Variants in BRINP3 observed in about 807,000 individuals in gnomAD.
BRINP3 encodes the protein BMP/retinoic acid-inducible neural-specific protein 3.
BRINP3 carries 19 observed loss-of-function variants against 71.0 expected under a neutral mutation model. The ratio of observed to expected loss-of-function variants is 0.27; its 90% CI spans 0.19 to 0.39. The LOEUF is 0.39. Ranked by LOEUF, BRINP3 falls within the 10% of genes least tolerant of loss-of-function variation. BRINP3 has a pLI of 1.00. For synonymous variants in BRINP3, 380 were observed against 337.7 expected (o/e 1.13, Z -1.37); for missense variants, 959 against 940.8 (o/e 1.02, Z -0.25).
chr1:190,289,217 A>T (rs1435780697), intron 2 of BRINP3, among the ~76,000 whole-genome samples: 1 of 151,946 alleles, frequency 6.6e-6, no homozygotes, highest in African/African-American at 2.4e-5. Flanking sequence ...AAAATTTTTC[A>T]TAATAAAGAT....
intron 1 of BRINP3, among the ~76,000 whole-genome samples, chr1:190,468,261 G>T (rs975456582): frequency 6.6e-6 from 1 of 151,088 alleles, no homozygotes; most frequent in African/African-American, 2.4e-5. Context: ...CCTTACTAAA[G>T]ATTATTAAAA....
chr1:190,208,275 A>T (rs1655691145), intron 6 of BRINP3, among the ~76,000 whole-genome samples: 1 of 151,918 alleles, frequency 6.6e-6, no homozygotes, highest in South Asian at 2.1e-4. Flanking sequence ...ACATACTCTT[A>T]TATCATGTGT....
chr1:190,309,946 A>G (rs1003704369), intron 2 of BRINP3, among the ~76,000 whole-genome samples: 1 of 151,750 alleles, frequency 6.6e-6, no homozygotes, highest in African/African-American at 2.4e-5. Context: ...ATGGTTTTGG[A>G]AACTTCAATT....
intron 2 of BRINP3, among the ~76,000 whole-genome samples, chr1:190,420,285 G>GA (rs1281526564): frequency 6.6e-6 from 1 of 151,918 alleles, no homozygotes; most frequent in Non-Finnish European, 1.5e-5. Context: ...ATCCCTGAAT[G>GA]TACACCTTTA....
chr1:190,378,457 G>T (rs1670318620), intron 2 of BRINP3, among the ~76,000 whole-genome samples: 2 of 152,136 alleles, frequency 1.3e-5, no homozygotes, highest in Non-Finnish European at 2.9e-5. Flanking sequence ...GCCCTGGGTT[G>T]TCTTTTGAAG....
chr1:190,418,917 G>A (rs1673180034), intron 2 of BRINP3, among the ~76,000 whole-genome samples: 3 of 152,004 alleles, frequency 2.0e-5, no homozygotes, highest in East Asian at 1.9e-4. Context: ...ATTCCTCTGA[G>A]CTTTTATATT....
intron 1 of BRINP3, among the ~76,000 whole-genome samples, chr1:190,469,448 G>A (rs1038238911): frequency 4.6e-5 from 7 of 150,896 alleles, no homozygotes; most frequent in African/African-American, 1.7e-4. Context: ...TGTTAAGAAA[G>A]CAAGCATTAA....
intron 5 of BRINP3, among the ~76,000 whole-genome samples, chr1:190,229,825 A>T (rs1017863279): frequency 6.6e-6 from 1 of 151,990 alleles, no homozygotes; most frequent in Non-Finnish European, 1.5e-5. Context: ...ATTTTTATAA[A>T]TTTTCACTCA....
intron 2 of BRINP3, among the ~76,000 whole-genome samples, chr1:190,395,343 A>T (rs1035479467): frequency 1.3e-5 from 2 of 151,760 alleles, no homozygotes; most frequent in African/African-American, 4.8e-5. Flanking sequence ...AACCTCCATA[A>T]GTACAGCTAA....
At chr1:190,398,136 A>G (rs1200958021) in intron 2 of BRINP3, among the ~76,000 whole-genome samples, 1 of 151,974 alleles carries the variant, frequency 6.6e-6, no homozygotes, top group Non-Finnish European at 1.5e-5. Flanking sequence ...GATTCATTAT[A>G]TGATTTTAGA....
At chr1:190,322,863 T>C (rs1666336873) in intron 2 of BRINP3, among the ~76,000 whole-genome samples, 1 of 152,096 alleles carries the variant, frequency 6.6e-6, no homozygotes. Flanking sequence ...TGAGTACTCA[T>C]TAAGTTTCAA....
intron 6 of BRINP3, among the ~76,000 whole-genome samples, chr1:190,168,366 A>G (rs890027891): frequency 6.6e-6 from 1 of 152,180 alleles, no homozygotes; most frequent in Non-Finnish European, 1.5e-5. Context: ...GTTAGTAAGT[A>G]TGGCAAATAT....
At chr1:190,333,089 G>T (rs967370684) in intron 2 of BRINP3, among the ~76,000 whole-genome samples, 1 of 151,706 alleles carries the variant, frequency 6.6e-6, no homozygotes, top group Non-Finnish European at 1.5e-5. Flanking sequence ...AACATTTTTG[G>T]ATGCTTATAA....
In BRINP3 at chr1:190,372,745, G is replaced by A. The variant is rs567578343; in HGVS notation, c.236+81910C>T. Reference sequence around the variant, plus strand: ...TCAGTTCAGGAATTACACTAAAACAGACAGTTGTAAAGAACAGATAATAGT... The same window carrying A: ...TCAGTTCAGGAATTACACTAAAACAAACAGTTGTAAAGAACAGATAATAGT... On this transcript the variant is annotated intron_variant, in intron 2 of 7. Transcript: ENST00000367462. Among the ~76,000 whole-genome samples, 93 of 152,280 alleles carry A rather than the reference G, an allele frequency of 6.1e-4. 1 individual carries two copies. The highest frequency in any genetic ancestry group is 2.1e-3 in the African/African-American group (88 of 41,576).
chr1:190,358,395 A>G (rs1186687687), intron 2 of BRINP3, among the ~76,000 whole-genome samples: 1 of 152,220 alleles, frequency 6.6e-6, no homozygotes, highest in Admixed American at 6.5e-5. Flanking sequence ...TATGCAGCCA[A>G]CAGACACATG....
At chr1:190,203,395 T>A (rs1655176743) in intron 6 of BRINP3, among the ~76,000 whole-genome samples, 1 of 150,924 alleles carries the variant, frequency 6.6e-6, no homozygotes, top group Non-Finnish European at 1.5e-5. Context: ...AAAGTACTTA[T>A]CAAATATATA....
chr1:190,434,731 G>A (rs977218145), intron 2 of BRINP3, among the ~76,000 whole-genome samples: 18 of 98,816 alleles, frequency 1.8e-4, no homozygotes, highest in South Asian at 6.9e-4. Context: ...GTCAGTTCCT[G>A]GAATATGAAC....
At position 190,168,164 on chromosome 1, in the gene BRINP3, G is replaced by A. The variant is rs560207665; in HGVS notation, c.962-7274C>T. On this transcript the variant is annotated intron_variant, in intron 6 of 7. Coordinates refer to ENST00000367462, the MANE Select transcript of BRINP3 (RefSeq NM_199051.3). ...TTAGAGTTTACTAATCAGATCATGC[G>A]CATTGACAAATACATGACCAGTGCC... Among the ~76,000 whole-genome samples, 119 of 151,964 alleles carry A rather than the reference G, an allele frequency of 7.8e-4. 3 individuals carry two copies. In the South Asian group the frequency reaches 0.016, roughly 20 times the overall value.
intron 7 of BRINP3, among the ~76,000 whole-genome samples, chr1:190,127,778 C>T (rs1654210061): frequency 6.6e-6 from 1 of 151,798 alleles, no homozygotes; most frequent in South Asian, 2.1e-4. Context: ...GCCTGGCTAT[C>T]TGAGTGACTA....
Sources: allele counts gnomAD v4.1 joint callset (sites outside exome capture counted in the v4.1 genomes callset), GRCh38; gene constraint gnomAD v4.1.1; transcripts MANE v1.5; gene names NCBI Gene and HGNC (gene_info 2026-07-23, HGNC 2026-07-21).